SLC5A11: variants seen among roughly 807,000 people sequenced by gnomAD.
The protein encoded by SLC5A11 is sodium/myo-inositol cotransporter 2.
SLC5A11 carries 48 observed loss-of-function variants against 69.8 expected under a neutral mutation model. The observed-to-expected ratio is 0.69, with a 90% CI of 0.55 to 0.87. The LOEUF (loss-of-function observed/expected upper bound fraction) is 0.87. Among genes scored for constraint, SLC5A11 ranks in the 40% least tolerant of loss-of-function variants. The pLI, the probability that SLC5A11 is intolerant of heterozygous loss-of-function variation, is 0.00. For missense variants in SLC5A11, 784 were observed against 866.1 expected, an observed-to-expected ratio of 0.91 and a Z score of 1.19; for synonymous variants, 319 against 342.4, an observed-to-expected ratio of 0.93 and a Z score of 0.75.
Position 24,858,795 on chromosome 16 carries a change from G to A in SLC5A11, c.135+17G>A, listed in dbSNP as rs1484047816. 1 of 1,604,812 alleles carries A rather than the reference G, an allele frequency of 6.2e-7. No individual in the cohort carries two copies. The highest frequency in any genetic ancestry group is 8.5e-7 in the Non-Finnish European group (1 of 1,175,258). Reference sequence around the variant, plus strand: ...GGACTATGGGTAAGCCAGGCCACTGGGGGATGGGGGATGAAGAGAGAAGGA... The same window carrying A: ...GGACTATGGGTAAGCCAGGCCACTGAGGGATGGGGGATGAAGAGAGAAGGA... On this transcript the variant is annotated intron_variant, in intron 2 of 15. Coordinates refer to ENST00000347898, the Ensembl canonical transcript of SLC5A11.
At chr16:24,911,387 CAGG>C (rs755042700) in exon 16 of SLC5A11, 1 of 1,614,064 alleles carries the variant, frequency 6.2e-7, no homozygotes. Context: ...CTGTGGAATA[CAGG>C]AGAAGGGCAA....
intron 2 of SLC5A11, 139 bp from the exon 4 acceptor site, chr16:24,862,462 G>T (rs1430237162): frequency 7.0e-6 from 4 of 567,858 alleles, no homozygotes; most frequent in East Asian, 2.9e-5. Context: ...CCAAAACTCT[G>T]GGAGAAACAA....
intron 4 of SLC5A11, 72 bp from the exon 6 acceptor site, chr16:24,872,088 C>A (rs756033137): frequency 1.9e-6 from 3 of 1,581,022 alleles, no homozygotes; most frequent in Admixed American, 3.3e-5. Flanking sequence ...TGCCTCAGGG[C>A]GCAGAGGGAA....
chr16:24,855,666 G>A (rs933714037), intron 1 of SLC5A11, among the ~76,000 whole-genome samples: 16 of 141,416 alleles, frequency 1.1e-4, no homozygotes, highest in Admixed American at 1.1e-3. Context: ...GTGAAACCTT[G>A]TCTCAAAATA....
chr16:24,910,092 G>A (rs544679318), intron 14 of SLC5A11, among the ~76,000 whole-genome samples: 20 of 147,782 alleles, frequency 1.4e-4, no homozygotes, highest in East Asian at 8.3e-4. Context: ...GGGGTTTATC[G>A]GAGAAAGACG....
At chr16:24,865,368 C>T (rs2046854846) in intron 3 of SLC5A11, among the ~76,000 whole-genome samples, 1 of 152,138 alleles carries the variant, frequency 6.6e-6, no homozygotes, top group Non-Finnish European at 1.5e-5. Flanking sequence ...TGAAACCAGC[C>T]TGGCCAACCT....
At chr16:24,903,810 G>A (rs373178761) in intron 10 of SLC5A11, among the ~76,000 whole-genome samples, 2 of 152,186 alleles carry the variant, frequency 1.3e-5, no homozygotes, top group East Asian at 1.9e-4. Context: ...TGTGAAGAGT[G>A]TTGCAATAAA....
chr16:24,872,161 G>T, exon 5 of SLC5A11: 1 of 1,614,162 alleles, frequency 6.2e-7, no homozygotes, highest in South Asian at 1.1e-5. Flanking sequence ...CTTGAGCAGG[G>T]CTTGTTTTCT....
intron 5 of SLC5A11, 130 bp from the exon 7 acceptor site, chr16:24,875,497 T>C (rs1302854288): frequency 2.8e-6 from 2 of 719,486 alleles, no homozygotes; most frequent in Non-Finnish European, 4.8e-6. Context: ...AAGTATCAGG[T>C]TGAGAATCCC....
At chr16:24,877,178 C>A in intron 6 of SLC5A11, 80 bp from the exon 8 acceptor site, 1 of 1,576,908 alleles carries the variant, frequency 6.3e-7, no homozygotes, top group Non-Finnish European at 8.6e-7. Context: ...AGGCCCTGAT[C>A]CCAGGGAACC....
chr16:24,877,467 C>T (rs975599032), intron 7 of SLC5A11, 104 bp downstream of exon 8: 3 of 804,104 alleles, frequency 3.7e-6, no homozygotes, highest in Admixed American at 2.2e-5. Context: ...TGTGCTAAGA[C>T]CCATTTATTC....
intron 8 of SLC5A11, among the ~76,000 whole-genome samples, chr16:24,886,729 A>T (rs1198579959): frequency 6.6e-6 from 1 of 152,200 alleles, no homozygotes. Context: ...TGGGAAGATC[A>T]TTTGAGGCCA....
At chr16:24,891,098 G>C (rs765442020) in intron 9 of SLC5A11, 24 bp downstream of exon 10, 35 of 1,602,074 alleles carry the variant, frequency 2.2e-5, no homozygotes, top group Non-Finnish European at 2.9e-5. Flanking sequence ...GCCTGAGCAA[G>C]TTTTTCCTTC....
At chr16:24,907,444 G>A (rs1378795690) in intron 12 of SLC5A11, among the ~76,000 whole-genome samples, 1 of 152,156 alleles carries the variant, frequency 6.6e-6, no homozygotes, top group African/African-American at 2.4e-5. Flanking sequence ...TGGGCGAGGT[G>A]GCTCACACCT....
chr16:24,849,322 C>T (rs539545473), intron 1 of SLC5A11, among the ~76,000 whole-genome samples: 2 of 151,988 alleles, frequency 1.3e-5, no homozygotes, highest in African/African-American at 4.8e-5. Context: ...AATCCCAGCA[C>T]TTTGGGAGGC....
At chr16:24,856,896 C>T (rs961486088) in intron 1 of SLC5A11, among the ~76,000 whole-genome samples, 2 of 152,204 alleles carry the variant, frequency 1.3e-5, no homozygotes, top group Non-Finnish European at 2.9e-5. Context: ...TCTCAGCTCA[C>T]TGCAACCTCC....
At chr16:24,870,405 A>C (rs1410438289) in intron 4 of SLC5A11, among the ~76,000 whole-genome samples, 6 of 150,862 alleles carry the variant, frequency 4.0e-5, no homozygotes, top group African/African-American at 7.3e-5. Flanking sequence ...CTCCCCACAA[A>C]AAAACAAAAC....
At chr16:24,883,078 G>GT (rs2048149838) in intron 7 of SLC5A11, among the ~76,000 whole-genome samples, 1 of 152,140 alleles carries the variant, frequency 6.6e-6, no homozygotes, top group African/African-American at 2.4e-5. Flanking sequence ...AAAAATAAAG[G>GT]TGTTGGCTGG....
At chr16:24,892,621 A>G (rs2048888114) in intron 9 of SLC5A11, among the ~76,000 whole-genome samples, 1 of 152,142 alleles carries the variant, frequency 6.6e-6, no homozygotes, top group Admixed American at 6.5e-5. Context: ...CGGGTTTTAA[A>G]CTGAGTGAAT....
Sources: gnomAD v4.1 joint callset for allele counts (sites outside exome capture counted in the v4.1 genomes callset) on GRCh38, gnomAD v4.1.1 for gene constraint, MANE v1.5 for transcripts, NCBI Gene and HGNC (gene_info 2026-07-23, HGNC 2026-07-21) for gene names.